Variants in DAB1 observed in about 807,000 individuals in gnomAD.
DAB1 encodes the protein disabled homolog 1.
In DAB1, 15 loss-of-function variants were observed where a neutral mutation model predicts 64.6. That is an observed-to-expected ratio of 0.23 (90% CI 0.16 to 0.36). The LOEUF (loss-of-function observed/expected upper bound fraction) is 0.36. Among genes scored for constraint, DAB1 ranks in the 10% least tolerant of loss-of-function variants. DAB1 has a pLI of 1.00. For synonymous variants in DAB1, 235 were observed against 251.9 expected (o/e 0.93, Z 0.64); for missense variants, 596 against 706.7 (o/e 0.84, Z 1.78).
chr1:58,179,911 G>T (rs1210309976), intron 4 of DAB1, among the ~76,000 whole-genome samples: 3 of 151,442 alleles, frequency 2.0e-5, no homozygotes, highest in African/African-American at 7.3e-5. Flanking sequence ...ACTGTGGATT[G>T]AAAATATTTG....
chr1:57,966,345 G>T (rs1645665534), intron 5 of DAB1, among the ~76,000 whole-genome samples: 1 of 152,218 alleles, frequency 6.6e-6, no homozygotes, highest in Non-Finnish European at 1.5e-5. Context: ...CTGGAGACTA[G>T]GACCTAAAAG....
At position 58,114,076 on chromosome 1, in the gene DAB1, G is replaced by A. The variant is rs550255387; in HGVS notation, n.387+36435C>T. ...AGCCTGGCCAACAGAGTGAAACCCCGTAATTACTAAAATACAAAAAAAAAA... is the reference window on the plus strand; with the variant it reads ...AGCCTGGCCAACAGAGTGAAACCCCATAATTACTAAAATACAAAAAAAAAA... On this transcript the variant is annotated intron_variant and non_coding_transcript_variant, in intron 5 of 20. Coordinates refer to the DAB1 transcript ENST00000485760. Among the ~76,000 whole-genome samples the A allele has an allele frequency of 1.4e-3, 193 of 139,468 alleles. 1 individual carries two copies. Among genetic ancestry groups the A allele is most frequent in the African/African-American group, 3.5e-3 (124 of 35,520 alleles). The allele number at this position is 139,468 out of a possible 152,430, so 91.5% of individuals were successfully genotyped here.
At chr1:57,981,772 A>G (rs745775280) in intron 5 of DAB1, among the ~76,000 whole-genome samples, 67 of 152,180 alleles carry the variant, frequency 4.4e-4, no homozygotes, top group Non-Finnish European at 1.9e-4. Flanking sequence ...AGCCTTTTGG[A>G]TTGAACAGGC....
intron 1 of DAB1, among the ~76,000 whole-genome samples, chr1:57,312,736 G>A (rs533177023): frequency 6.6e-6 from 1 of 152,218 alleles, no homozygotes; most frequent in African/African-American, 2.4e-5. Flanking sequence ...TGACCTCTCG[G>A]TGTGCAGGGA....
At chr1:57,356,630 G>A (rs1679127024) in intron 1 of DAB1, among the ~76,000 whole-genome samples, 2 of 151,932 alleles carry the variant, frequency 1.3e-5, no homozygotes, top group Non-Finnish European at 1.5e-5. Flanking sequence ...ATATTTCTAA[G>A]TATTGCAACA....
chr1:57,928,669 C>T lies in DAB1; in HGVS notation n.388-44507G>A, dbSNP rs116558797. 3.8e-3 allele frequency among the ~76,000 whole-genome samples: 586 copies of T among 152,286 alleles called. 3 individuals carry two copies. The highest frequency in any genetic ancestry group is 0.013 in the African/African-American group (549 of 41,564). On this transcript the variant is annotated intron_variant and non_coding_transcript_variant, in intron 5 of 20. Coordinates refer to the DAB1 transcript ENST00000485760. ...CTTTTTACTGTCTCCAAAGTTTTGC[C>T]TTTTCCACAATGCCATATAGTTGAA... is the stretch of plus-strand genomic sequence containing the variant.
chr1:57,279,790 A>T (rs966184095), intron 2 of DAB1, among the ~76,000 whole-genome samples: 1 of 152,220 alleles, frequency 6.6e-6, no homozygotes, highest in Non-Finnish European at 1.5e-5. Context: ...TTTCCTTCTC[A>T]ATCATGTGGA....
intron 4 of DAB1, among the ~76,000 whole-genome samples, chr1:57,075,304 C>T (rs531640595): frequency 7.2e-5 from 11 of 152,272 alleles, no homozygotes; most frequent in Admixed American, 4.6e-4. Context: ...GTTTTAAAAT[C>T]AAAACATTTT....
chr1:57,565,883 C>A (rs781730634), intron 7 of DAB1, among the ~76,000 whole-genome samples: 2 of 152,126 alleles, frequency 1.3e-5, no homozygotes, highest in Non-Finnish European at 2.9e-5. Flanking sequence ...AGAAAGTTAA[C>A]AAGGATATCC....
chr1:58,237,801 A>G (rs1660113863), intron 4 of DAB1, among the ~76,000 whole-genome samples: 1 of 152,126 alleles, frequency 6.6e-6, no homozygotes. Flanking sequence ...GTCATAGATG[A>G]CCACTTTACA....
At chr1:57,472,706 C>T (rs886170677) in intron 7 of DAB1, among the ~76,000 whole-genome samples, 4 of 152,056 alleles carry the variant, frequency 2.6e-5, no homozygotes, top group Admixed American at 2.6e-4. Flanking sequence ...AATTGCTCAC[C>T]CAGGGAGCTT....
At chr1:58,134,733 G>A (rs1337904782) in intron 5 of DAB1, among the ~76,000 whole-genome samples, 1 of 152,110 alleles carries the variant, frequency 6.6e-6, no homozygotes, top group African/African-American at 2.4e-5. Context: ...AGCACTAGCA[G>A]GATGGTGCTA....
upstream of DAB1, among the ~76,000 whole-genome samples, chr1:57,886,356 G>A (rs1423405707): frequency 2.0e-5 from 3 of 151,846 alleles, no homozygotes; most frequent in Admixed American, 1.3e-4. Flanking sequence ...ACTGGGTTTC[G>A]CTATGTTGGC....
chr1:58,462,562 A>C (rs1393152677), intron 3 of DAB1: 4 of 152,176 alleles, frequency 2.6e-5, no homozygotes, highest in Non-Finnish European at 5.9e-5. Flanking sequence ...TAATGAGTAC[A>C]GTGTTTTTAT....
At chr1:57,051,458 A>G (rs896430926) in intron 9 of DAB1, among the ~76,000 whole-genome samples, 5 of 152,182 alleles carry the variant, frequency 3.3e-5, no homozygotes, top group Admixed American at 1.3e-4. Flanking sequence ...GTGGGGGGGA[A>G]GTAGGGAACA....
chr1:57,751,655 A>G (rs1648557611), intron 6 of DAB1, among the ~76,000 whole-genome samples: 1 of 152,216 alleles, frequency 6.6e-6, no homozygotes, highest in Admixed American at 6.5e-5. Context: ...GATGGAGAAG[A>G]AAAACATGGG....
intron 5 of DAB1, among the ~76,000 whole-genome samples, chr1:58,106,773 T>C (rs1422754661): frequency 6.6e-6 from 1 of 152,162 alleles, no homozygotes; most frequent in African/African-American, 2.4e-5. Context: ...GAGCTGAATC[T>C]ATATTCTGTG....
intron 1 of DAB1, among the ~76,000 whole-genome samples, chr1:57,316,957 C>T (rs267638): frequency 0.32 from 48,803 of 152,016 alleles, 9,070 homozygotes; most frequent in East Asian, 0.88. Flanking sequence ...AGCAAGTATG[C>T]TTATTTGTAA....
At chr1:57,281,864 A>T (rs1485939547) in intron 2 of DAB1, among the ~76,000 whole-genome samples, 1 of 152,052 alleles carries the variant, frequency 6.6e-6, no homozygotes, top group African/African-American at 2.4e-5. Flanking sequence ...ATGAATTGAT[A>T]ATCAGTGATT....
Sources: allele counts gnomAD v4.1 joint callset (sites outside exome capture counted in the v4.1 genomes callset), GRCh38; gene constraint gnomAD v4.1.1; transcripts MANE v1.5; gene names NCBI Gene and HGNC (gene_info 2026-07-23, HGNC 2026-07-21).